The following GBP5 variants were observed in gnomAD, a reference collection of about 807,000 sequenced individuals.
GBP5 encodes guanylate binding protein 5, also known as guanylate-binding protein 5.
In GBP5, 48 loss-of-function variants were observed where a neutral mutation model predicts 58.2. The observed-to-expected ratio is 0.83, with a 90% confidence interval of 0.65 to 1.05. The LOEUF is 1.05. Ranked by LOEUF, GBP5 falls within the 50% of genes least tolerant of loss-of-function variation. GBP5 has a pLI of 0.00. For missense variants in GBP5, 714 were observed against 686.8 expected (o/e 1.04, Z -0.44); for synonymous variants, 248 against 251.8 (o/e 0.98, Z 0.14).
Position 89,259,937 on chromosome 1 carries a change from T to C in GBP5, c.*767A>G, listed in dbSNP as rs1164338073. 6.6e-6 allele frequency: 1 copy of C among 152,338 alleles called. No homozygotes were observed. Among genetic ancestry groups the C allele is most frequent in the Non-Finnish European group, 1.5e-5 (1 of 68,268 alleles). The allele number at this position is 152,338 out of a possible 1,614,324, so 9.4% of individuals were successfully genotyped here. On this transcript the variant is annotated 3_prime_UTR_variant, in exon 12 of 12. Transcript: ENST00000370459. ...GATTTCTGTAGAGCAGCCCAGCAGG[T>C]TAATAAATTTGCTTGCCGACTTTGG...
rs1050701999 is a variant in GBP5 at position 89,260,455 on chromosome 1, G to A, written c.*249C>T. 76 of 333,754 alleles carry A rather than the reference G, an allele frequency of 2.3e-4. No individual in the cohort carries two copies. The highest frequency in any genetic ancestry group is 1.6e-3 in the African/African-American group (75 of 47,084). The allele number at this position is 333,754 out of a possible 1,614,324, so 20.7% of individuals were successfully genotyped here. On this transcript the variant is annotated 3_prime_UTR_variant, in exon 12 of 12. Transcript: ENST00000370459. ...CATCCCAATATCACGCATAAATGAA[G>A]GCAGTGATACAATGTCCCTTATACA...
In GBP5 at chr1:89,269,447, G is replaced by T. The variant is rs559209099; in HGVS notation, c.109C>A (p.Pro37Thr). Residue 37 changes from proline to threonine, a missense_variant, in exon 3 of 12, where the codon CCT (proline) becomes ACT (threonine). Transcript: ENST00000370459. ...ALEILSAITQ[P>T]VVVVAIVGLY... ...CCCACAATCGCTACCACAACTACAGGTTGCGTAATGGCAGACAGGATCTCC... is the reference window on the plus strand; with the variant it reads ...CCCACAATCGCTACCACAACTACAGTTTGCGTAATGGCAGACAGGATCTCC... The T allele has an allele frequency of 9.9e-6, 16 of 1,614,112 alleles. No individual in the cohort carries two copies. In the East Asian group the frequency reaches 2.9e-4, roughly 29 times the overall value.
rs888117828 is a variant in GBP5 at position 89,256,698 on chromosome 1, G to C, written c.*4006C>G. The stretch of plus-strand genomic sequence containing the variant: ...ACAGGTTTATGAAGAACATAACCTT[G>C]ATTTCTTCAAATGCATTTTCATAGT... On this transcript the variant is annotated 3_prime_UTR_variant, in exon 12 of 12. Transcript: ENST00000370459. Among the ~76,000 whole-genome samples, 1 of 152,130 alleles carries C rather than the reference G, an allele frequency of 6.6e-6. No individual in the cohort carries two copies. Among genetic ancestry groups the C allele is most frequent in the East Asian group, 1.9e-4 (1 of 5,202 alleles).
At chr1:89,269,266 A>T in intron 3 of GBP5, 100 bp downstream of exon 3, 1 of 1,184,928 alleles carries the variant, frequency 8.4e-7, no homozygotes, top group South Asian at 1.4e-5. Context: ...GGCTTTTAAT[A>T]TTCATCCTCA....
In GBP5 at chr1:89,260,466, A is replaced by G; in HGVS notation, c.*238T>C. ...CACGCATAAATGAAGGCAGTGATAC[A>G]ATGTCCCTTATACAATTTATAATCT... On this transcript the variant is annotated 3_prime_UTR_variant, in exon 12 of 12. Transcript: ENST00000370459. The G allele has an allele frequency of 2.7e-6, 1 of 366,810 alleles. No individual in the cohort carries two copies. The highest frequency in any genetic ancestry group is 4.1e-5 in the South Asian group (1 of 24,278). 22.7% of individuals were successfully genotyped at this position (366,810 alleles called of 1,614,324 possible). A position where few individuals can be genotyped will look rare whatever the true frequency, so the allele number is the denominator to read the frequency against.
In GBP5 at chr1:89,267,086, G is replaced by T. The variant is rs1650250924; in HGVS notation, c.496C>A (p.Pro166Thr). 1.2e-6 allele frequency: 2 copies of T among 1,612,986 alleles called. No individual in the cohort carries two copies. The highest frequency in any genetic ancestry group is 2.7e-5 in the African/African-American group (2 of 74,844). Residue 166 changes from proline (P) to threonine (T), a missense_variant, in exon 6 of 12, where the codon CCT becomes ACT. Pro to Thr is a conservative substitution (Grantham distance 38, BLOSUM62 -1). Transcript: ENST00000370459. ...NSPDLDRVED[P>T]ADSASFFPDL... is the part of the protein sequence containing the mutation. Reference sequence around the variant, plus strand: ...GGGAAGAAGCTCGCAGAGTCAGCAGGATCTTCAACCCTGTCAAGGTCGGGT... The same window carrying T: ...GGGAAGAAGCTCGCAGAGTCAGCAGTATCTTCAACCCTGTCAAGGTCGGGT...
rs1037745154 is a variant in GBP5 at position 89,260,602 on chromosome 1, T to G, written c.*102A>C. On this transcript the variant is annotated 3_prime_UTR_variant, in exon 12 of 12. Coordinates refer to ENST00000370459, the MANE Select transcript of GBP5 (RefSeq NM_052942.5). ...ATATGAAAGTTTGAAAAAATAATTA[T>G]AAAGTTTATTTAAATGTTGATTGTC... 1.4e-6 allele frequency: 1 copy of G among 726,822 alleles called. No homozygotes were observed. Among genetic ancestry groups the G allele is most frequent in the African/African-American group, 1.8e-5 (1 of 56,100 alleles). The allele number at this position is 726,822 out of a possible 1,614,324, so 45.0% of individuals were successfully genotyped here. A position where few individuals can be genotyped will look rare whatever the true frequency, so the allele number is the denominator to read the frequency against.
chr1:89,267,361 G>A, intron 5 of GBP5, 56 bp downstream of exon 5: 3 of 1,245,560 alleles, frequency 2.4e-6, no homozygotes, highest in Non-Finnish European at 3.5e-6. Flanking sequence ...ACATGCAGCT[G>A]GTAAATAGAG....
Position 89,268,773 on chromosome 1 carries a change from T to C in GBP5, c.274A>G (p.Thr92Ala). The C allele has an allele frequency of 6.2e-7, 1 of 1,614,092 alleles. No individual in the cohort carries two copies. Among genetic ancestry groups the C allele is most frequent in the South Asian group, 1.1e-5 (1 of 91,080 alleles). The change falls in exon 4 of 12, where the codon ACA becomes GCA. Residue 92 changes from threonine (T) to alanine (A), a missense_variant. Physicochemically the swap from Thr to Ala is moderately conservative, Grantham distance 58. Transcript: ENST00000370459. ...CVPHPNWPNH[T>A]LVLLDTEGLG... The stretch of plus-strand genomic sequence containing the variant: ...CCCTCGGTGTCAAGCAGAACTAATG[T>C]GTGATTTGGCCAGTTGGGATGAGGC...
chr1:89,262,418 A>G lies in GBP5; in HGVS notation c.1466-17T>C, dbSNP rs1273690647. 1 of 1,606,670 alleles carries G rather than the reference A, an allele frequency of 6.2e-7. No homozygotes were observed. Among genetic ancestry groups the G allele is most frequent in the Admixed American group, 1.7e-5 (1 of 59,826 alleles). ...CTTGTGCCTCTGAGGAGAAAAAGAT[A>G]ATCTTCTCTAGGATTAATGTGCCTC... On this transcript the variant is annotated splice_polypyrimidine_tract_variant and intron_variant, in intron 10 of 11. Coordinates refer to ENST00000370459, the MANE Select transcript of GBP5 (RefSeq NM_052942.5).
At position 89,269,506 on chromosome 1, in the gene GBP5, A is replaced by T. The variant is rs754765981; in HGVS notation, c.50T>A (p.Phe17Tyr). The T allele has an allele frequency of 3.7e-6, 6 of 1,613,998 alleles. No individual in the cohort carries two copies. The Admixed American group carries it at 1.0e-4, about 27-fold the overall frequency. The change falls in exon 3 of 12, where the codon TTT becomes TAT. Residue 17 changes from phenylalanine to tyrosine, a missense_variant. Coordinates refer to ENST00000370459, the MANE Select transcript of GBP5 (RefSeq NM_052942.5). ...MSDPMCLIEN[F>Y]NEQLKVNQEA... ...CTGATTAACCTTCAGCTGCTCATTA[A>T]AGTTCTCGATGAGGCACATGGGGTC...
chr1:89,263,005 C>A, intron 9 of GBP5: 1 of 389,168 alleles, frequency 2.6e-6, no homozygotes, highest in South Asian at 5.9e-5. Flanking sequence ...CTGCTCCTGT[C>A]ACAAGTTTGG....
chr1:89,270,180 CTGAA>C (rs1193917959), intron 2 of GBP5: 4 of 152,232 alleles, frequency 2.6e-5, no homozygotes, highest in African/African-American at 7.2e-5. Context: ...TTATGATTGA[CTGAA>C]TGAGTAAAAC....
Position 89,264,794 on chromosome 1 carries a change from G to C in GBP5, c.1041C>G (p.Thr347=), listed in dbSNP as rs374866943. ...TGTGCAGGTCCAGCAGCTCCTGGAG[G>C]GTTTCCATGGGCAGCTGCACTTTCT... ...MGQKVQLPME[T]LQELLDLHRT... The change falls in exon 8 of 12, where the codon ACC becomes ACG. Residue 347 remains threonine, a synonymous_variant. Coordinates refer to ENST00000370459, the MANE Select transcript of GBP5 (RefSeq NM_052942.5). 6.2e-7 allele frequency: 1 copy of C among 1,614,160 alleles called. No homozygotes were observed.
At chr1:89,271,130 C>T (rs991692647) in intron 1 of GBP5, 2 of 152,168 alleles carry the variant, frequency 1.3e-5, no homozygotes, top group Non-Finnish European at 2.9e-5. Flanking sequence ...GTTCAAGCCA[C>T]AAACATAACT....
chr1:89,269,660 A>T (rs965251019), intron 2 of GBP5, 86 bp from the exon 3 acceptor site: 5 of 846,762 alleles, frequency 5.9e-6, no homozygotes, highest in Non-Finnish European at 9.6e-6. Context: ...GAACCTGGGG[A>T]CATACTACTC....
rs754761161 is a variant in GBP5 at position 89,269,442 on chromosome 1, T to C, written c.114A>G (p.Val38=). Residue 38 remains valine (V), a synonymous_variant, in exon 3 of 12, where the codon GTA becomes GTG. Coordinates refer to ENST00000370459, the MANE Select transcript of GBP5 (RefSeq NM_052942.5). ...LEILSAITQP[V]VVVAIVGLYR... is the part of the protein sequence containing the mutation. ...AGAGGCCCACAATCGCTACCACAAC[T>C]ACAGGTTGCGTAATGGCAGACAGGA... 1.2e-6 allele frequency: 2 copies of C among 1,614,122 alleles called. No individual in the cohort carries two copies. The highest frequency in any genetic ancestry group is 1.7e-6 in the Non-Finnish European group (2 of 1,180,002).
chr1:89,261,754 T>C (rs1557499903), intron 11 of GBP5, among the ~76,000 whole-genome samples: 4 of 152,102 alleles, frequency 2.6e-5, no homozygotes, highest in Non-Finnish European at 5.9e-5. Context: ...AGAACAGAGA[T>C]GATCAAGGCA....
At position 89,266,592 on chromosome 1, in the gene GBP5, G is replaced by A; in HGVS notation, c.626-4C>T. On this transcript the variant is annotated splice_region_variant and splice_polypyrimidine_tract_variant and intron_variant, in intron 6 of 11. Coordinates refer to ENST00000370459, the MANE Select transcript of GBP5 (RefSeq NM_052942.5). ...TTTTGAACTCTTTGATCACTACCTGGAGAATAAAAAATAGGATTTATTTAG... is the reference window on the plus strand; with the variant it reads ...TTTTGAACTCTTTGATCACTACCTGAAGAATAAAAAATAGGATTTATTTAG... The A allele has an allele frequency of 1.2e-6, 2 of 1,604,114 alleles. No individual in the cohort carries two copies. The highest frequency in any genetic ancestry group is 1.7e-6 in the Non-Finnish European group (2 of 1,174,278).
Sources: gnomAD v4.1 joint callset for allele counts (sites outside exome capture counted in the v4.1 genomes callset) on GRCh38, gnomAD v4.1.1 for gene constraint, MANE v1.5 for transcripts, NCBI Gene and HGNC (gene_info 2026-07-23, HGNC 2026-07-21) for gene names.